The following IRF3 variants were observed in gnomAD, a reference collection of about 807,000 sequenced individuals.
The protein encoded by IRF3 is interferon regulatory factor 3.
A neutral mutation model predicts 43.2 loss-of-function variants in IRF3; 29 were observed. That is an observed-to-expected ratio of 0.67 (90% CI 0.50 to 0.91). The LOEUF is 0.91. Ranked by LOEUF, IRF3 falls within the 40% of genes least tolerant of loss-of-function variation. The pLI is 0.00. For synonymous variants in IRF3, 228 were observed against 233.9 expected (o/e 0.97, Z 0.23); for missense variants, 505 against 559.1 (o/e 0.90, Z 0.98).
chr19:49,663,698 G>C, intron 2 of IRF3, 184 bp from the exon 3 acceptor site: 1 of 604,184 alleles, frequency 1.7e-6, no homozygotes, highest in South Asian at 2.1e-5. Context: ...TTTTCAAAAG[G>C]CTTTTTTTCT....
In IRF3 at chr19:49,661,965, AG is replaced by A; in HGVS notation, c.964del (p.Leu322TrpfsTer6). The A allele has an allele frequency of 6.2e-7, 1 of 1,611,006 alleles. No individual in the cohort carries two copies. Among genetic ancestry groups the A allele is most frequent in the East Asian group, 2.2e-5 (1 of 44,822 alleles). On this transcript the variant is annotated frameshift_variant, in exon 6 of 8. Transcript: ENST00000377139. LOFTEE classifies it high-confidence loss of function. The stretch of plus-strand genomic sequence containing the variant: ...TCACTCACCTACAATGAAGGGCCCC[AG>A]GTCAAACACGCCTCCTTCCTTGTCC... Reference protein sequence around the residue: ...PKDKEGGVFDLGPFIVDLITF... With the variant: ...PKDKEGGVFDXGPFIVDLITF...
intron 2 of IRF3, 53 bp downstream of exon 2, chr19:49,664,621 T>C: frequency 6.2e-7 from 1 of 1,610,160 alleles, no homozygotes; most frequent in Non-Finnish European, 8.5e-7. Context: ...TAGGAGTCCT[T>C]TCCGCCCAGC....
rs973633918 is a variant in IRF3 at position 49,665,673 on chromosome 19, C to T, written c.-51G>A. 14 of 1,083,746 alleles carry T rather than the reference C, an allele frequency of 1.3e-5. No homozygotes were observed. Among genetic ancestry groups the T allele is most frequent in the East Asian group, 4.9e-5 (2 of 40,986 alleles). 67.1% of individuals were successfully genotyped at this position (1,083,746 alleles called of 1,614,324 possible). ...GGCGTGCGGGCAGCTGGAACCCACC[C>T]CTGTCTTGGAGCTCCGGGTAGCTCT... On this transcript the variant is annotated 5_prime_UTR_variant, in exon 1 of 8. Transcript: ENST00000377139.
At position 49,662,312 on chromosome 19, in the gene IRF3, C is replaced by T. The variant is rs2081370495; in HGVS notation, c.618G>A (p.Val206=). The change falls in exon 6 of 8, where the codon GTG becomes GTA. Residue 206 remains valine (V), a synonymous_variant. Transcript: ENST00000377139. Reference sequence around the variant, plus strand: ...CTTGGCGGCCCCGGTAGAAGGCTGTCACCTCGAACTCCCACTCTGAGCAGC... The same window carrying T: ...CTTGGCGGCCCCGGTAGAAGGCTGTTACCTCGAACTCCCACTCTGAGCAGC... The part of the protein sequence containing the change: ...LVPGEEWEFE[V]TAFYRGRQVF... 3 of 1,613,648 alleles carry T rather than the reference C, an allele frequency of 1.9e-6. No homozygotes were observed. In the East Asian group the frequency reaches 6.7e-5, roughly 36 times the overall value.
chr19:49,660,028 C>CACACAA (rs1555753000), intron 7 of IRF3, among the ~76,000 whole-genome samples, 195 bp from the exon 8 acceptor site: 1 of 109,830 alleles, frequency 9.1e-6, no homozygotes, highest in Non-Finnish European at 1.9e-5. Context: ...CACACACACA[C>CACACAA]CCCCTGCTGT....
At position 49,663,245 on chromosome 19, in the gene IRF3, A is replaced by T; in HGVS notation, c.351T>A (p.Phe117Leu). 1 of 1,614,110 alleles carries T rather than the reference A, an allele frequency of 6.2e-7. No individual in the cohort carries two copies. The highest frequency in any genetic ancestry group is 1.3e-5 in the African/African-American group (1 of 75,010). The change falls in exon 4 of 8, where the codon TTT becomes TTA. Residue 117 changes from phenylalanine (F) to leucine (L), a missense_variant. Transcript: ENST00000377139. ...TGTCCGGAGAGGTGTCTGGCTGGGA[A>T]AAGTCCCCAACTCCTGTTGAGAAAA... ...YEFVNSGVGD[F>L]SQPDTSPDTN...
Position 49,659,612 on chromosome 19 carries a change from C to A in IRF3, c.*36G>T. On this transcript the variant is annotated 3_prime_UTR_variant, in exon 8 of 8. Transcript: ENST00000377139. ...GTTTATTGGTTGAGGTGGTGGGGAA[C>A]AGGGGGGTTGGAGGCACACCATGAG... 1 of 1,588,060 alleles carries A rather than the reference C, an allele frequency of 6.3e-7. No individual in the cohort carries two copies.
chr19:49,662,331 GAGCAGCGGC>G lies in IRF3; in HGVS notation c.602-12_602-4del, dbSNP rs745344173. The G allele has an allele frequency of 6.2e-6, 10 of 1,612,676 alleles. No individual in the cohort carries two copies. The highest frequency in any genetic ancestry group is 8.5e-6 in the Non-Finnish European group (10 of 1,179,086). ...GGCTGTCACCTCGAACTCCCACTCT[GAGCAGCGGC>G]AGCAGCGGCATGAAGGGGAGAGGGG... is the stretch of plus-strand genomic sequence containing the variant. On this transcript the variant is annotated splice_polypyrimidine_tract_variant and splice_region_variant and intron_variant, in intron 5 of 7. Coordinates refer to ENST00000377139, the MANE Select transcript of IRF3 (RefSeq NM_001571.6).
chr19:49,663,568 C>T, intron 2 of IRF3, 54 bp from the exon 3 acceptor site: 1 of 1,577,594 alleles, frequency 6.3e-7, no homozygotes, highest in South Asian at 1.1e-5. Flanking sequence ...GATCCTGCTC[C>T]TGGGGCCCTA....
chr19:49,659,694 T>C lies in IRF3; in HGVS notation c.1238A>G (p.Gln413Arg). Residue 413 changes from glutamine to arginine, a missense_variant, in exon 8 of 8, where the codon CAG (glutamine) becomes CGG (arginine). Coordinates refer to ENST00000377139, the MANE Select transcript of IRF3 (RefSeq NM_001571.6). ...GAAATCCATGCCCTCCACCAAGTCC[T>C]GCAGGTAGGCCTTGTACTGGTCGGA... ...LTSDQYKAYL[Q>R]DLVEGMDFQG... 1 of 1,613,924 alleles carries C rather than the reference T, an allele frequency of 6.2e-7. No individual in the cohort carries two copies. Among genetic ancestry groups the C allele is most frequent in the Non-Finnish European group, 8.5e-7 (1 of 1,179,882 alleles).
intron 6 of IRF3, chr19:49,661,694 C>T: frequency 2.4e-6 from 1 of 410,440 alleles, no homozygotes; most frequent in Non-Finnish European, 4.4e-6. Flanking sequence ...ATTCTCCTGC[C>T]TCAGCCTCCC....
chr19:49,663,514 C>T lies in IRF3; in HGVS notation c.166G>A (p.Ala56Thr). ...TATGCACCAGTGGCCTCGGCCCAGG[C>T]CTGGGGCAACAGTGGTGTCAGGATG... ...AQQEDFGIFQ[A>T]WAEATGAYVP... Residue 56 changes from alanine (A) to threonine (T), a missense_variant and splice_region_variant, in exon 3 of 8, where the codon GCC (alanine) becomes ACC (threonine). Coordinates refer to ENST00000377139, the MANE Select transcript of IRF3 (RefSeq NM_001571.6). The T allele has an allele frequency of 1.4e-5, 22 of 1,613,774 alleles. No homozygotes were observed. The highest frequency in any genetic ancestry group is 1.9e-5 in the Non-Finnish European group (22 of 1,179,874).
rs181520656 is a variant in IRF3, at chr19:49,662,750, G to A, written c.409-133C>T. On this transcript the variant is annotated intron_variant, in intron 4 of 7. Coordinates refer to ENST00000377139, the MANE Select transcript of IRF3 (RefSeq NM_001571.6). ...TGCCTTCAAGGGGCTTCCAGCCTGG[G>A]GACAGAGCCAGCCATGGCATCAACA... The A allele has an allele frequency of 4.0e-4, 293 of 726,390 alleles. 1 individual carries two copies. In the Middle Eastern group the frequency reaches 7.8e-3, roughly 19 times the overall value. 45.0% of individuals were successfully genotyped at this position (726,390 alleles called of 1,614,324 possible).
chr19:49,660,215 A>T (rs1003414486), intron 7 of IRF3, among the ~76,000 whole-genome samples: 1 of 152,120 alleles, frequency 6.6e-6, no homozygotes, highest in African/African-American at 2.4e-5. Context: ...GGTTTAGAGC[A>T]GGGGTCCCCA....
chr19:49,660,199 C>T (rs2081257483), intron 7 of IRF3, among the ~76,000 whole-genome samples: 1 of 152,118 alleles, frequency 6.6e-6, no homozygotes, highest in Non-Finnish European at 1.5e-5. Flanking sequence ...CCACCAGCTT[C>T]TACATGGTTT....
rs566321486 is a variant in IRF3 at position 49,662,104 on chromosome 19, G to T, written c.826C>A (p.Arg276=). The change falls in exon 6 of 8, where the codon CGG becomes AGG. Residue 276 remains arginine, a synonymous_variant. Coordinates refer to ENST00000377139, the MANE Select transcript of IRF3 (RefSeq NM_001571.6). ...SCLGGGLALW[R]AGQWLWAQRL... ...TGGGCCCAGAGCCACTGCCCGGCCC[G>T]CCAGAGAGCCAGTCCCCCACCCAGG... 9 of 1,613,494 alleles carry T rather than the reference G, an allele frequency of 5.6e-6. No individual in the cohort carries two copies. The highest frequency in any genetic ancestry group is 1.7e-5 in the Admixed American group (1 of 59,990).
chr19:49,660,297 C>T (rs1394982663), intron 7 of IRF3, among the ~76,000 whole-genome samples: 1 of 152,158 alleles, frequency 6.6e-6, no homozygotes, highest in Non-Finnish European at 1.5e-5. Flanking sequence ...ATATTACTGC[C>T]TGAGCTCTGC....
chr19:49,662,012 C>A lies in IRF3; in HGVS notation c.918G>T (p.Gly306=), dbSNP rs1456296809. 1.9e-6 allele frequency: 3 copies of A among 1,614,110 alleles called. No homozygotes were observed. Among genetic ancestry groups the A allele is most frequent in the South Asian group, 1.1e-5 (1 of 91,082 alleles). ...TGTCCTTGGGGACCTCGCCATCAGG[C>A]CCATGCCCGCTGTTGGGGAGCAGCT... is the stretch of plus-strand genomic sequence containing the variant. The part of the protein sequence containing the change: ...SEELLPNSGH[G]PDGEVPKDKE... The change falls in exon 6 of 8, where the codon GGG becomes GGT. Residue 306 remains glycine (G), a synonymous_variant. Transcript: ENST00000377139.
chr19:49,664,569 C>A, intron 2 of IRF3, 105 bp downstream of exon 2: 1 of 1,608,452 alleles, frequency 6.2e-7, no homozygotes, highest in Non-Finnish European at 8.5e-7. Flanking sequence ...TGGCACGAGC[C>A]CGCCCCTCGC....
Sources: allele counts gnomAD v4.1 joint callset (sites outside exome capture counted in the v4.1 genomes callset), GRCh38; gene constraint gnomAD v4.1.1; transcripts MANE v1.5; gene names NCBI Gene and HGNC (gene_info 2026-07-23, HGNC 2026-07-21).